USH2A: variants seen among roughly 807,000 people sequenced by gnomAD.
USH2A encodes Usher syndrome 2A (autosomal recessive, mild).
USH2A carries 443 observed loss-of-function variants against 538.9 expected under a neutral mutation model. The ratio of observed to expected loss-of-function variants is 0.82; its 90% CI spans 0.76 to 0.89. USH2A has a LOEUF of 0.89. Ranked by LOEUF, USH2A falls within the 40% of genes least tolerant of loss-of-function variation. The pLI is 0.00. For synonymous variants in USH2A, 2,413 were observed against 2,273.5 expected (o/e 1.06, Z -1.75); for missense variants, 6,633 against 6,324.8 (o/e 1.05, Z -1.65).
chr1:215,868,868 C>T (rs9804120), intron 43 of USH2A, among the ~76,000 whole-genome samples: 91,002 of 152,102 alleles, frequency 0.6, 27,668 homozygotes, highest in East Asian at 0.75. Flanking sequence ...GGTTCTTCTA[C>T]AGAGCTTTGG....
At chr1:216,183,630 G>A (rs1349020888) in intron 20 of USH2A, among the ~76,000 whole-genome samples, 6 of 151,934 alleles carry the variant, frequency 3.9e-5, no homozygotes, top group African/African-American at 1.2e-4. Context: ...CTTGAAGTCT[G>A]CATGATTTGT....
chr1:216,281,421 T>C (rs187287963), intron 11 of USH2A, among the ~76,000 whole-genome samples: 14 of 152,290 alleles, frequency 9.2e-5, no homozygotes, highest in Admixed American at 7.2e-4. Context: ...AGCATGTCTT[T>C]CCTTCCATAT....
chr1:215,675,534 G>C lies in USH2A; in HGVS notation c.12377C>G (p.Thr4126Ser). 1 of 1,614,040 alleles carries C rather than the reference G, an allele frequency of 6.2e-7. No homozygotes were observed. The highest frequency in any genetic ancestry group is 8.5e-7 in the Non-Finnish European group (1 of 1,179,988). ...GGCCTCCAGGGTCAGTGTGTAGAGA[G>C]TGAAAGGATCCAGGCGGCGGAAGAG... ...QFLFRRLDPF[T>S]LYTLTLEACT... The change falls in exon 63 of 72, where the codon ACT becomes AGT. Residue 4126 changes from threonine to serine, a missense_variant. Coordinates refer to ENST00000307340, the MANE Select transcript of USH2A (RefSeq NM_206933.4).
In USH2A at chr1:216,196,760, G is replaced by C. The variant is rs775517668; in HGVS notation, c.4082-38C>G. ...ACAATAACAATAACATCAAAACAAT[G>C]AATGTCGTCCCTATATATTTTTAAA... is the stretch of plus-strand genomic sequence containing the variant. On this transcript the variant is annotated intron_variant, in intron 18 of 71. Transcript: ENST00000307340. 1.9e-6 allele frequency: 3 copies of C among 1,594,914 alleles called. No individual in the cohort carries two copies. In the East Asian group the frequency reaches 6.8e-5, roughly 36 times the overall value.
Position 215,836,080 on chromosome 1 carries a change from C to T in USH2A, c.9371+1911G>A, listed in dbSNP as rs540165642. Among the ~76,000 whole-genome samples, 5 of 152,054 alleles carry T rather than the reference C, an allele frequency of 3.3e-5. No homozygotes were observed. In the South Asian group the frequency reaches 1.0e-3, roughly 32 times the overall value. On this transcript the variant is annotated intron_variant, in intron 47 of 71. Transcript: ENST00000307340. ...TGTTCCATTTCTTATAAAGCTTAGACGTTATTTTTAGTTATAAATAAATAT... is the reference window on the plus strand; with the variant it reads ...TGTTCCATTTCTTATAAAGCTTAGATGTTATTTTTAGTTATAAATAAATAT...
intron 36 of USH2A, among the ~76,000 whole-genome samples, chr1:215,966,185 A>G (rs1667342741): frequency 6.6e-6 from 1 of 152,186 alleles, no homozygotes; most frequent in Admixed American, 6.5e-5. Context: ...AAGACTCTGA[A>G]ATAAAATGCA....
intron 3 of USH2A, among the ~76,000 whole-genome samples, chr1:216,389,244 G>A (rs2039058242): frequency 6.6e-6 from 1 of 152,142 alleles, no homozygotes. Context: ...ATAAAATACT[G>A]TGAATACTGT....
intron 21 of USH2A, among the ~76,000 whole-genome samples, chr1:216,155,419 C>T (rs1349549141): frequency 2.0e-5 from 3 of 152,124 alleles, no homozygotes; most frequent in Admixed American, 1.3e-4. Flanking sequence ...TTGTAAAACC[C>T]AAGATTGCTT....
chr1:216,260,964 C>A (rs183781028), intron 11 of USH2A, among the ~76,000 whole-genome samples: 1 of 152,260 alleles, frequency 6.6e-6, no homozygotes, highest in East Asian at 1.9e-4. Flanking sequence ...AATATTTGAG[C>A]TTTTAACCTC....
intron 19 of USH2A, 96 bp downstream of exon 19, chr1:216,196,456 GA>G: frequency 7.2e-7 from 1 of 1,380,860 alleles, no homozygotes; most frequent in East Asian, 2.3e-5. Context: ...AATCAATATA[GA>G]GGGAGAATTC....
chr1:216,261,505 A>T (rs941358195), intron 11 of USH2A, among the ~76,000 whole-genome samples: 3 of 151,794 alleles, frequency 2.0e-5, no homozygotes, highest in Admixed American at 2.0e-4. Flanking sequence ...GAAGAGAAAG[A>T]TAAGAAAATA....
At chr1:216,188,335 G>A (rs1450776839) in intron 20 of USH2A, among the ~76,000 whole-genome samples, 2 of 151,642 alleles carry the variant, frequency 1.3e-5, no homozygotes, top group Admixed American at 6.6e-5. Flanking sequence ...TTCTAGGGAC[G>A]GGCATGTCTC....
In USH2A at chr1:215,723,447, T is replaced by C. The variant is rs143457651; in HGVS notation, c.12066+4583A>G. ...TGGCTCTCTCAGCAACATCCACCTG[T>C]CTATAAACAACTCTGGGGGGACCTT... On this transcript the variant is annotated intron_variant, in intron 61 of 71. Transcript: ENST00000307340. Among the ~76,000 whole-genome samples, 135 of 152,266 alleles carry C rather than the reference T, an allele frequency of 8.9e-4. 1 individual carries two copies. Among genetic ancestry groups the C allele is most frequent in the Admixed American group, 3.7e-3 (57 of 15,290 alleles).
chr1:216,056,756 A>T (rs2030988579), intron 30 of USH2A, among the ~76,000 whole-genome samples: 1 of 151,844 alleles, frequency 6.6e-6, no homozygotes, highest in African/African-American at 2.4e-5. Flanking sequence ...AAAATGACTG[A>T]TTTATAAGAA....
chr1:215,681,939 T>C (rs1658244087), intron 61 of USH2A, among the ~76,000 whole-genome samples: 1 of 152,184 alleles, frequency 6.6e-6, no homozygotes, highest in Non-Finnish European at 1.5e-5. Flanking sequence ...TTTACAGAAA[T>C]ACTAATTTCT....
At chr1:216,249,182 A>G (rs1478531805) in intron 12 of USH2A, among the ~76,000 whole-genome samples, 2 of 152,048 alleles carry the variant, frequency 1.3e-5, no homozygotes, top group African/African-American at 4.8e-5. Flanking sequence ...AAAGTACTAC[A>G]TTTGCAGAAA....
chr1:215,844,439 A>T lies in USH2A; in HGVS notation c.9113T>A (p.Val3038Asp). The change falls in exon 46 of 72, where the codon GTC becomes GAC. Residue 3038 changes from valine (V) to aspartate (D), a missense_variant. Coordinates refer to ENST00000307340, the MANE Select transcript of USH2A (RefSeq NM_206933.4). ...TGGGTTTGAAGGAGATGTCCAGATG[A>T]CACGTACAGCTGTACTGTTGATGAT... The part of the protein sequence containing the change: ...VVIINSTAVR[V>D]IWTSPSNPNG... 1 of 1,613,124 alleles carries T rather than the reference A, an allele frequency of 6.2e-7. No individual in the cohort carries two copies. Among genetic ancestry groups the T allele is most frequent in the Middle Eastern group, 1.7e-4 (1 of 6,058 alleles).
chr1:216,239,115 AC>A (rs2035885066), intron 13 of USH2A, among the ~76,000 whole-genome samples: 1 of 151,044 alleles, frequency 6.6e-6, no homozygotes, highest in Non-Finnish European at 1.5e-5. Flanking sequence ...AAAAAAAAAA[AC>A]ATTAAAGTGG....
intron 3 of USH2A, among the ~76,000 whole-genome samples, chr1:216,416,772 C>A (rs1014463877): frequency 6.6e-6 from 1 of 151,964 alleles, no homozygotes; most frequent in Non-Finnish European, 1.5e-5. Flanking sequence ...CTACTGCCTG[C>A]CAAAACATGG....
Sources: allele counts gnomAD v4.1 joint callset (sites outside exome capture counted in the v4.1 genomes callset), GRCh38; gene constraint gnomAD v4.1.1; transcripts MANE v1.5; gene names NCBI Gene and HGNC (gene_info 2026-07-23, HGNC 2026-07-21).